The following CCNT1 variants were observed in gnomAD, a reference collection of about 807,000 sequenced individuals.
CCNT1 encodes cyclin-T1.
A neutral mutation model predicts 67.3 loss-of-function variants in CCNT1; 18 were observed. The ratio of observed to expected loss-of-function variants is 0.27; its 90% CI spans 0.18 to 0.40. CCNT1 has a LOEUF of 0.40. Ranked by LOEUF, CCNT1 falls within the 10% of genes least tolerant of loss-of-function variation. The pLI is 1.00. For missense variants in CCNT1, 744 were observed against 884.9 expected (o/e 0.84, Z 2.02); for synonymous variants, 333 against 310.3 (o/e 1.07, Z -0.77).
chr12:48,714,821 G>A (rs1214186905), intron 1 of CCNT1, among the ~76,000 whole-genome samples: 1 of 152,050 alleles, frequency 6.6e-6, no homozygotes, highest in African/African-American at 2.4e-5. Flanking sequence ...AACTATATAA[G>A]GCGGCCAGGC....
Position 48,694,307 on chromosome 12 carries a change from ACATGCT to A in CCNT1, c.901_906del (p.Met302_Ser303del), listed in dbSNP as rs1193103607. 1 of 1,614,082 alleles carries A rather than the reference ACATGCT, an allele frequency of 6.2e-7. No homozygotes were observed. The highest frequency in any genetic ancestry group is 1.3e-5 in the African/African-American group (1 of 74,938). On this transcript the variant is annotated inframe_deletion, in exon 9 of 9. Coordinates refer to ENST00000261900, the MANE Select transcript of CCNT1 (RefSeq NM_001240.4). ...GGCACTGCACTTGTGGTAGAAGTTGACATGCTCATTAAACCTGCAATGGTTGTGTCT... is the reference window on the plus strand; with the variant it reads ...GGCACTGCACTTGTGGTAGAAGTTGACATTAAACCTGCAATGGTTGTGTCT...
Position 48,694,435 on chromosome 12 carries a change from G to T in CCNT1, c.779C>A (p.Ala260Glu). ...TTTTGTTTTCTTGGCAGCCTCGCAT[G>T]CCTGCAATGAAGCAAATAGCATCTC... ...NRLKRIWNWR[A>E]CEAAKKTKAD... Residue 260 changes from alanine (A) to glutamate (E), a missense_variant and splice_region_variant, in exon 9 of 9, where the codon GCA becomes GAA. Transcript: ENST00000261900. The T allele has an allele frequency of 6.2e-7, 1 of 1,609,454 alleles. No homozygotes were observed. Among genetic ancestry groups the T allele is most frequent in the Non-Finnish European group, 8.5e-7 (1 of 1,176,616 alleles).
Position 48,716,593 on chromosome 12 carries a change from C to T in CCNT1, c.83G>A (p.Gly28Asp), listed in dbSNP as rs749432480. 7.4e-6 allele frequency: 12 copies of T among 1,614,120 alleles called. No individual in the cohort carries two copies. The South Asian group carries it at 1.1e-4, about 15-fold the overall frequency. ...QLENSPSRRFGVDPDKELSYR... is the reference protein window; with the variant it reads ...QLENSPSRRFDVDPDKELSYR... ...AGAAAGTTCTTTATCTGGGTCCACG[C>T]CAAAACGACGGGATGGGCTATTTTC... The change falls in exon 1 of 9, where the codon GGC becomes GAC. Residue 28 changes from glycine to aspartate, a missense_variant. Physicochemically the swap from Gly to Asp is moderately conservative, Grantham distance 94. Around this residue, in one of 3 missense-constraint regions of CCNT1, gnomAD observed 38 missense variants for 33.7 expected, o/e 1.13. Coordinates refer to ENST00000261900, the MANE Select transcript of CCNT1 (RefSeq NM_001240.4).
At position 48,693,163 on chromosome 12, in the gene CCNT1, A is replaced by G. The variant is rs766303563; in HGVS notation, c.2051T>C (p.Val684Ala). The part of the protein sequence containing the change: ...QPTQPTAFEF[V>A]RPYSDYLNPR... ...ATTCAGATAGTCACTATAAGGACGAACAAATTCAAATGCAGTGGGCTGAGT... is the reference window on the plus strand; with the variant it reads ...ATTCAGATAGTCACTATAAGGACGAGCAAATTCAAATGCAGTGGGCTGAGT... The change falls in exon 9 of 9, where the codon GTT becomes GCT. Residue 684 changes from valine to alanine, a missense_variant. Val to Ala is a moderately conservative substitution (Grantham distance 64). Coordinates refer to ENST00000261900, the MANE Select transcript of CCNT1 (RefSeq NM_001240.4). 1 of 1,614,196 alleles carries G rather than the reference A, an allele frequency of 6.2e-7. No homozygotes were observed. Among genetic ancestry groups the G allele is most frequent in the African/African-American group, 1.3e-5 (1 of 75,034 alleles).
intron 6 of CCNT1, among the ~76,000 whole-genome samples, chr12:48,697,139 A>T (rs1470554897): frequency 3.3e-5 from 5 of 152,126 alleles, no homozygotes; most frequent in Non-Finnish European, 5.9e-5. Context: ...ACTTTTTTTA[A>T]AAAGGGAAGA....
At chr12:48,694,567 T>C in intron 8 of CCNT1, 131 bp from the exon 9 acceptor site, 1 of 696,074 alleles carries the variant, frequency 1.4e-6, no homozygotes, top group South Asian at 1.9e-5. Context: ...TATCCTAACA[T>C]GTAATCCAAT....
In CCNT1 at chr12:48,693,867, C is replaced by T; in HGVS notation, c.1347G>A (p.Arg449=). ...TTTTGTCAGCCTTTTCCAGAAAAGG[C>T]CGCTCGGGGTTTTCTGAACCCTCTA... is the stretch of plus-strand genomic sequence containing the variant. The part of the protein sequence containing the change: ...MPIEGSENPE[R]PFLEKADKTA... Residue 449 remains arginine, a synonymous_variant, in exon 9 of 9, where the codon CGG becomes CGA. Coordinates refer to ENST00000261900, the MANE Select transcript of CCNT1 (RefSeq NM_001240.4). 1 of 1,614,018 alleles carries T rather than the reference C, an allele frequency of 6.2e-7. No individual in the cohort carries two copies. Among genetic ancestry groups the T allele is most frequent in the Non-Finnish European group, 8.5e-7 (1 of 1,179,978 alleles).
intron 2 of CCNT1, among the ~76,000 whole-genome samples, 187 bp from the exon 3 acceptor site, chr12:48,706,083 TC>T (rs771729627): frequency 4.0e-5 from 6 of 151,898 alleles, no homozygotes; most frequent in Non-Finnish European, 8.8e-5. Context: ...CATCTCCACT[TC>T]CAAATACCAA....
chr12:48,696,223 A>G (rs1426211858), intron 6 of CCNT1, 61 bp from the exon 7 acceptor site: 2 of 724,316 alleles, frequency 2.8e-6, no homozygotes, highest in Non-Finnish European at 4.0e-6. Flanking sequence ...GCCCAAAGCT[A>G]AAACTCTCCA....
At chr12:48,703,438 T>C (rs1328028572) in intron 3 of CCNT1, among the ~76,000 whole-genome samples, 1 of 152,008 alleles carries the variant, frequency 6.6e-6, no homozygotes, top group Non-Finnish European at 1.5e-5. Context: ...CCGGGTGTAG[T>C]GGCACATGCC....
chr12:48,693,796 G>C lies in CCNT1; in HGVS notation c.1418C>G (p.Ala473Gly). ...TTTTATCTCCTCTGGTTTTGAAGACGCAGCTTTATCTCCACCTGCCACTGG... is the reference window on the plus strand; with the variant it reads ...TTTTATCTCCTCTGGTTTTGAAGACCCAGCTTTATCTCCACCTGCCACTGG... ...RIPVAGGDKAASSKPEEIKMR... is the reference protein window; with the variant it reads ...RIPVAGGDKAGSSKPEEIKMR... The change falls in exon 9 of 9, where the codon GCG becomes GGG. Residue 473 changes from alanine (A) to glycine (G), a missense_variant. Physicochemically the swap from Ala to Gly is moderately conservative, Grantham distance 60 (BLOSUM62 0). Transcript: ENST00000261900. 1 of 1,613,974 alleles carries C rather than the reference G, an allele frequency of 6.2e-7. No homozygotes were observed. The highest frequency in any genetic ancestry group is 8.5e-7 in the Non-Finnish European group (1 of 1,179,946).
At chr12:48,710,876 G>C (rs1206666022) in intron 2 of CCNT1, among the ~76,000 whole-genome samples, 1 of 152,100 alleles carries the variant, frequency 6.6e-6, no homozygotes, top group Non-Finnish European at 1.5e-5. Context: ...GGCTGGCCAA[G>C]ATGGTGAAAC....
chr12:48,698,167 T>C lies in CCNT1; in HGVS notation c.513A>G (p.Ala171=). 1 of 1,472,162 alleles carries C rather than the reference T, an allele frequency of 6.8e-7. No homozygotes were observed. Among genetic ancestry groups the C allele is most frequent in the Non-Finnish European group, 9.2e-7 (1 of 1,085,072 alleles). The allele number at this position is 1,472,162 out of a possible 1,614,324, so 91.2% of individuals were successfully genotyped here. A position where few individuals can be genotyped will look rare whatever the true frequency, so the allele number is the denominator to read the frequency against. ...TGGTTGCCATGAAGTAAGAAGTCTG[T>C]GCTAAGTCCTTGCTTGCTAAAGAAA... is the stretch of plus-strand genomic sequence containing the variant. ...TQLVRASKDL[A]QTSYFMATNS... The change falls in exon 6 of 9, where the codon GCA becomes GCG. Residue 171 remains alanine (A), a synonymous_variant. Transcript: ENST00000261900.
chr12:48,708,058 A>G (rs1171057424), intron 2 of CCNT1, among the ~76,000 whole-genome samples: 1 of 152,064 alleles, frequency 6.6e-6, no homozygotes, highest in African/African-American at 2.4e-5. Context: ...ACAGAGCCAT[A>G]CTGTCTCAAA....
At chr12:48,713,617 T>C (rs1239355698) in intron 2 of CCNT1, among the ~76,000 whole-genome samples, 1 of 152,048 alleles carries the variant, frequency 6.6e-6, no homozygotes, top group Non-Finnish European at 1.5e-5. Context: ...GACCCCATCT[T>C]CACAAAAAAA....
chr12:48,698,258 T>C lies in CCNT1; in HGVS notation c.497-75A>G, dbSNP rs1940211181. On this transcript the variant is annotated intron_variant, in intron 5 of 8. Coordinates refer to ENST00000261900, the MANE Select transcript of CCNT1 (RefSeq NM_001240.4). ...GTTCCATTCATTCTCAACAAATATT[T>C]AGTAAGCATTTAATATTTGCAAGGT... is the stretch of plus-strand genomic sequence containing the variant. 6 of 1,062,710 alleles carry C rather than the reference T, an allele frequency of 5.6e-6. No individual in the cohort carries two copies. The East Asian group carries it at 1.2e-4, about 21-fold the overall frequency. 65.8% of individuals were successfully genotyped at this position (1,062,710 alleles called of 1,614,324 possible).
rs969964722 is a variant in CCNT1 at position 48,690,924 on chromosome 12, C to T, written c.*2109G>A. ...CAGATGCAGACTAAATGGCACATTC[C>T]CTTTTGGAAACAGACTCCAACAAAC... On this transcript the variant is annotated 3_prime_UTR_variant, in exon 9 of 9. Coordinates refer to ENST00000261900, the MANE Select transcript of CCNT1 (RefSeq NM_001240.4). The T allele has an allele frequency of 3.9e-5, 6 of 152,254 alleles. No individual in the cohort carries two copies. Among genetic ancestry groups the T allele is most frequent in the African/African-American group, 1.4e-4 (6 of 41,556 alleles). The allele number at this position is 152,254 out of a possible 1,614,324, so 9.4% of individuals were successfully genotyped here. A position where few individuals can be genotyped will look rare whatever the true frequency, so the allele number is the denominator to read the frequency against.
chr12:48,697,049 G>T lies in CCNT1; in HGVS notation c.543-887C>A, dbSNP rs540179981. ...TGGTTTCACCATGTTGGCCAGGTTG[G>T]TCTCGAACTCCTAGCCTCAAGTGAT... is the stretch of plus-strand genomic sequence containing the variant. On this transcript the variant is annotated intron_variant, in intron 6 of 8. Coordinates refer to ENST00000261900, the MANE Select transcript of CCNT1 (RefSeq NM_001240.4). Among the ~76,000 whole-genome samples, 22 of 152,140 alleles carry T rather than the reference G, an allele frequency of 1.4e-4. No individual in the cohort carries two copies. In the East Asian group the frequency reaches 3.5e-3, roughly 24 times the overall value.
intron 8 of CCNT1, among the ~76,000 whole-genome samples, chr12:48,695,557 A>G (rs1288067638): frequency 1.3e-5 from 2 of 152,226 alleles, no homozygotes; most frequent in Non-Finnish European, 2.9e-5. Flanking sequence ...CAGGAGTTAC[A>G]CAATGAAAAG....
Sources: allele counts gnomAD v4.1 joint callset (sites outside exome capture counted in the v4.1 genomes callset), GRCh38; gene constraint gnomAD v4.1.1; regional missense constraint gnomAD v4.1.1; transcripts MANE v1.5; gene names NCBI Gene and HGNC (gene_info 2026-07-23, HGNC 2026-07-21).